The following ATP8B1 variants were observed in gnomAD, a reference collection of about 807,000 sequenced individuals.
ATP8B1 encodes the protein phospholipid-transporting ATPase IC.
A neutral mutation model predicts 149.9 loss-of-function variants in ATP8B1; 80 were observed. The ratio of observed to expected loss-of-function variants is 0.53; its 90% CI spans 0.45 to 0.64. The LOEUF is 0.64. Among genes scored for constraint, ATP8B1 ranks in the 30% least tolerant of loss-of-function variants. The probability of loss-of-function intolerance (pLI) is 0.00; values close to 1 mark genes in which losing one functional copy is unlikely to be tolerated. For missense variants in ATP8B1, 1,247 were observed against 1,552.6 expected, an observed-to-expected ratio of 0.80 and a Z score of 3.31; for synonymous variants, 536 against 562.8, an observed-to-expected ratio of 0.95 and a Z score of 0.67.
At chr18:57,684,968 G>T in intron 14 of ATP8B1, 104 bp downstream of exon 14, 1 of 1,418,528 alleles carries the variant, frequency 7.0e-7, no homozygotes, top group East Asian at 2.3e-5. Flanking sequence ...GAGCAGGGAA[G>T]AGGCAACGAA....
rs1909823551 is a variant in ATP8B1, at chr18:57,654,066, C to T, written c.2941G>A (p.Glu981Lys). 8 of 1,613,736 alleles carry T rather than the reference C, an allele frequency of 5.0e-6. No homozygotes were observed. Among genetic ancestry groups the T allele is most frequent in the East Asian group, 2.2e-5 (1 of 44,876 alleles). The change falls in exon 24 of 28, where the codon GAG (glutamate) becomes AAG (lysine). Residue 981 changes from glutamate to lysine, a missense_variant. Glu to Lys is a moderately conservative substitution (Grantham distance 56). Around this residue, in one of 3 missense-constraint regions of ATP8B1, gnomAD observed 230 missense variants for 356.6 expected, o/e 0.65. Transcript: ENST00000648908. The part of the protein sequence containing the change: ...FNGYSAQTAY[E>K]DWFITLYNVL... The stretch of plus-strand genomic sequence containing the variant: ...TTGTAGAGGGTGATGAACCAATCCT[C>T]GTATGCAGTCTGTGAGGGGATGACA...
rs1599117276 is a variant in ATP8B1, at chr18:57,688,216, G to A, written c.1429+83C>T. 1.6e-5 allele frequency: 23 copies of A among 1,444,952 alleles called. No homozygotes were observed. In the South Asian group the frequency reaches 2.6e-4, roughly 17 times the overall value. The allele number at this position is 1,444,952 out of a possible 1,614,324, so 89.5% of individuals were successfully genotyped here. On this transcript the variant is annotated intron_variant, in intron 13 of 27. Coordinates refer to ENST00000648908, the MANE Select transcript of ATP8B1 (RefSeq NM_001374385.1). ...ATCGAGAGGGCACCAGCAATGCCAG[G>A]AGACAGGCTATAGTCCAAGTAATGA...
At chr18:57,792,537 GA>G (rs1568073991) in intron 1 of ATP8B1, among the ~76,000 whole-genome samples, 1 of 152,074 alleles carries the variant, frequency 6.6e-6, no homozygotes, top group Non-Finnish European at 1.5e-5. Flanking sequence ...AAAATGCCCG[GA>G]ATCGGCAAAC....
chr18:57,729,014 C>G (rs1345399494), intron 2 of ATP8B1, among the ~76,000 whole-genome samples: 2 of 151,960 alleles, frequency 1.3e-5, no homozygotes, highest in Non-Finnish European at 2.9e-5. Context: ...GTCGCCGCAC[C>G]CGGCCAAGAC....
chr18:57,649,128 G>A (rs373766484), intron 27 of ATP8B1, among the ~76,000 whole-genome samples: 1 of 151,970 alleles, frequency 6.6e-6, no homozygotes, highest in African/African-American at 2.4e-5. Flanking sequence ...GACCTCAAGT[G>A]ATCTGCCTGC....
intron 6 of ATP8B1, among the ~76,000 whole-genome samples, chr18:57,700,792 C>A (rs1913077173): frequency 6.6e-6 from 1 of 152,068 alleles, no homozygotes; most frequent in African/African-American, 2.4e-5. Context: ...GTGGTGCACG[C>A]CTGTAATCCC....
At chr18:57,673,453 A>G (rs1365554123) in intron 16 of ATP8B1, among the ~76,000 whole-genome samples, 1 of 152,132 alleles carries the variant, frequency 6.6e-6, no homozygotes, top group African/African-American at 2.4e-5. Flanking sequence ...AATACCTACT[A>G]TGGTATATAG....
intron 14 of ATP8B1, 42 bp from the exon 15 acceptor site, chr18:57,684,234 A>G: frequency 6.4e-7 from 1 of 1,574,716 alleles, no homozygotes; most frequent in Non-Finnish European, 8.7e-7. Flanking sequence ...TTTATAAAAT[A>G]TTTTTGACTT....
chr18:57,731,907 T>G, intron 1 of ATP8B1, 75 bp from the exon 2 acceptor site: 4 of 1,278,858 alleles, frequency 3.1e-6, no homozygotes, highest in Non-Finnish European at 4.6e-6. Flanking sequence ...TGCATGCTGC[T>G]ACAATGCCCC....
chr18:57,655,547 C>T, intron 22 of ATP8B1, 130 bp from the exon 23 acceptor site: 4 of 840,132 alleles, frequency 4.8e-6, no homozygotes, highest in Non-Finnish European at 7.8e-6. Context: ...TACAGAAGCT[C>T]TTGCTCACCA....
chr18:57,775,030 G>A (rs2080294735), intron 1 of ATP8B1, among the ~76,000 whole-genome samples: 1 of 151,662 alleles, frequency 6.6e-6, no homozygotes. Context: ...AGGAGAGACA[G>A]AGGTCAGGTG....
intron 1 of ATP8B1, among the ~76,000 whole-genome samples, chr18:57,749,464 T>C (rs1168866220): frequency 6.6e-6 from 1 of 152,230 alleles, no homozygotes; most frequent in Non-Finnish European, 1.5e-5. Flanking sequence ...AAAACAATCC[T>C]CTTTAACTCT....
At chr18:57,757,999 T>G (rs1211282925) in intron 1 of ATP8B1, among the ~76,000 whole-genome samples, 1 of 152,032 alleles carries the variant, frequency 6.6e-6, no homozygotes, top group Non-Finnish European at 1.5e-5. Context: ...ATATATATAC[T>G]TATATTTAAA....
At chr18:57,710,499 CCCA>C (rs1399123437) in intron 2 of ATP8B1, among the ~76,000 whole-genome samples, 1 of 152,088 alleles carries the variant, frequency 6.6e-6, no homozygotes, top group Non-Finnish European at 1.5e-5. Flanking sequence ...TGCTTACAGA[CCCA>C]CCAACAACCA....
At chr18:57,719,799 G>T (rs1006034533) in intron 2 of ATP8B1, among the ~76,000 whole-genome samples, 1 of 152,200 alleles carries the variant, frequency 6.6e-6, no homozygotes, top group African/African-American at 2.4e-5. Flanking sequence ...TCCACCTCTG[G>T]GGGCAGGGTA....
intron 2 of ATP8B1, among the ~76,000 whole-genome samples, chr18:57,723,117 C>T (rs1202980244): frequency 2.6e-5 from 4 of 151,096 alleles, no homozygotes; most frequent in Non-Finnish European, 4.4e-5. Context: ...TAAGAGCTAT[C>T]TATGACAAAC....
In ATP8B1 at chr18:57,691,902, A is replaced by G. The variant is rs754898895; in HGVS notation, c.1125T>C (p.Asp375=). 4 of 1,614,184 alleles carry G rather than the reference A, an allele frequency of 2.5e-6. No individual in the cohort carries two copies. The South Asian group carries it at 4.4e-5, about 18-fold the overall frequency. Residue 375 remains aspartate, a synonymous_variant, in exon 12 of 28, where the codon GAT becomes GAC. Coordinates refer to ENST00000648908, the MANE Select transcript of ATP8B1 (RefSeq NM_001374385.1). Reference sequence around the variant, plus strand: ...GGTAGGAGGGTGTATCGTCTTCTCCATCATAGAGGTACCAAGAGGAATTGC... The same window carrying G: ...GGTAGGAGGGTGTATCGTCTTCTCCGTCATAGAGGTACCAAGAGGAATTGC... ...QVGNSSWYLY[D]GEDDTPSYRG...
chr18:57,678,574 G>C (rs1207789168), intron 15 of ATP8B1, among the ~76,000 whole-genome samples: 1 of 135,128 alleles, frequency 7.4e-6, no homozygotes, highest in East Asian at 2.1e-4. Context: ...GCGATAGTTC[G>C]AGATTCTATC....
rs565416321 is a variant in ATP8B1 at position 57,777,566 on chromosome 18, T to A, written c.-26+25432A>T. Among the ~76,000 whole-genome samples, 695 of 152,230 alleles carry A rather than the reference T, an allele frequency of 4.6e-3. 3 individuals are homozygous for A. Among genetic ancestry groups the A allele is most frequent in the Middle Eastern group, 0.017 (5 of 294 alleles). ...GAGGCAGGAAAACTGACACTTTATTTTTTATTTATTTATTTATTTTGAGAC... is the reference window on the plus strand; with the variant it reads ...GAGGCAGGAAAACTGACACTTTATTATTTATTTATTTATTTATTTTGAGAC... On this transcript the variant is annotated intron_variant, in intron 1 of 27. Coordinates refer to ENST00000648908, the MANE Select transcript of ATP8B1 (RefSeq NM_001374385.1).
Sources: gnomAD v4.1 joint callset for allele counts (sites outside exome capture counted in the v4.1 genomes callset) on GRCh38, gnomAD v4.1.1 for gene constraint, gnomAD v4.1.1 regional missense constraint, MANE v1.5 for transcripts, NCBI Gene and HGNC (gene_info 2026-07-23, HGNC 2026-07-21) for gene names.